The following RAB3C variants were observed in gnomAD, a reference collection of about 807,000 sequenced individuals.
RAB3C encodes RAB3C, member RAS oncogene family, also known as ras-related protein Rab-3C.
Under a neutral mutation model 26.4 loss-of-function variants are expected in RAB3C, and 17 were observed. That is an observed-to-expected ratio of 0.64 (90% CI 0.44 to 0.97). RAB3C has a LOEUF of 0.97. Ranked by LOEUF, RAB3C falls within the 50% of genes least tolerant of loss-of-function variation. The pLI is 0.00. For synonymous variants in RAB3C, 91 were observed against 95.9 expected, an observed-to-expected ratio of 0.95 and a Z score of 0.30; for missense variants, 242 against 281.9, an observed-to-expected ratio of 0.86 and a Z score of 1.01.
chr5:58,666,532 C>T (rs1748005769), intron 2 of RAB3C, among the ~76,000 whole-genome samples: 1 of 152,208 alleles, frequency 6.6e-6, no homozygotes, highest in Non-Finnish European at 1.5e-5. Context: ...TCCATAGATT[C>T]TGATTCCAGA....
intron 2 of RAB3C, among the ~76,000 whole-genome samples, chr5:58,652,611 C>T (rs531353291): frequency 6.6e-6 from 1 of 151,238 alleles, no homozygotes; most frequent in Non-Finnish European, 1.5e-5. Flanking sequence ...TTATACATTG[C>T]AACTTGCAGT....
intron 3 of RAB3C, among the ~76,000 whole-genome samples, chr5:58,786,648 T>C (rs1213817390): frequency 6.6e-6 from 1 of 152,176 alleles, no homozygotes; most frequent in Admixed American, 6.5e-5. Context: ...ATGTGCAGGT[T>C]ATTTTTATTT....
Position 58,659,995 on chromosome 5 carries a change from C to T in RAB3C, c.252+42125C>T, listed in dbSNP as rs909813711. 1.2e-4 allele frequency among the ~76,000 whole-genome samples: 19 copies of T among 152,074 alleles called. No homozygotes were observed. In the South Asian group the frequency reaches 3.7e-3, roughly 30 times the overall value. ...ATTTTTGTGTTTTTTGTAGAGACAG[C>T]GATTTGGTCATGTTGCCCAGGCTAG... On this transcript the variant is annotated intron_variant, in intron 2 of 4. Coordinates refer to ENST00000282878, the MANE Select transcript of RAB3C (RefSeq NM_138453.4).
intron 2 of RAB3C, among the ~76,000 whole-genome samples, chr5:58,636,432 C>G (rs867547217): frequency 6.6e-6 from 1 of 152,158 alleles, no homozygotes; most frequent in Non-Finnish European, 1.5e-5. Flanking sequence ...TGACTCATGT[C>G]CTACTGTGGA....
At chr5:58,620,985 A>G (rs1482669760) in intron 2 of RAB3C, among the ~76,000 whole-genome samples, 1 of 152,160 alleles carries the variant, frequency 6.6e-6, no homozygotes, top group Non-Finnish European at 1.5e-5. Context: ...ATTTAGTTGT[A>G]GGTAGTTATG....
intron 3 of RAB3C, among the ~76,000 whole-genome samples, chr5:58,744,351 T>C (rs1741344889): frequency 6.6e-6 from 1 of 152,250 alleles, no homozygotes; most frequent in Non-Finnish European, 1.5e-5. Context: ...CCCTTGACTA[T>C]CTTATTAATG....
At chr5:58,600,921 C>G (rs542086487) in intron 1 of RAB3C, among the ~76,000 whole-genome samples, 21 of 152,200 alleles carry the variant, frequency 1.4e-4, no homozygotes, top group Admixed American at 1.2e-3. Flanking sequence ...TTGTCTTGTT[C>G]CAGTTCTCAG....
chr5:58,704,329 G>A (rs1030278164), intron 2 of RAB3C, among the ~76,000 whole-genome samples: 1 of 152,150 alleles, frequency 6.6e-6, no homozygotes, highest in Non-Finnish European at 1.5e-5. Flanking sequence ...ACTGCTTGGA[G>A]TTTGCATGTA....
At chr5:58,720,838 A>T (rs980185442) in intron 2 of RAB3C, among the ~76,000 whole-genome samples, 1 of 151,850 alleles carries the variant, frequency 6.6e-6, no homozygotes, top group African/African-American at 2.4e-5. Flanking sequence ...TTTCTTTACT[A>T]ACGGTTACTC....
At chr5:58,605,953 A>G (rs1746558033) in intron 1 of RAB3C, among the ~76,000 whole-genome samples, 1 of 152,210 alleles carries the variant, frequency 6.6e-6, no homozygotes, top group Admixed American at 6.5e-5. Context: ...AAATAGGAAC[A>G]GCTCTGGTCT....
intron 2 of RAB3C, among the ~76,000 whole-genome samples, chr5:58,693,952 C>CT (rs1420700270): frequency 2.6e-5 from 4 of 152,062 alleles, no homozygotes; most frequent in Admixed American, 6.6e-5. Flanking sequence ...TTTTATTATA[C>CT]TTTAAGTTCT....
At chr5:58,758,587 CACAA>C (rs571560629) in intron 3 of RAB3C, among the ~76,000 whole-genome samples, 5 of 152,108 alleles carry the variant, frequency 3.3e-5, no homozygotes, top group Non-Finnish European at 7.4e-5. Flanking sequence ...AAACTGAGAG[CACAA>C]ACAGGGTCCC....
intron 3 of RAB3C, among the ~76,000 whole-genome samples, chr5:58,797,354 ATATGTATATATATAATATATATATAT>A (rs1742686317): frequency 1.7e-5 from 1 of 58,238 alleles, no homozygotes; most frequent in Non-Finnish European, 3.1e-5. Context: ...AAAAAAAAAA[ATATGTATATATATAATATATATATAT>A]ATATATATAT....
intron 3 of RAB3C, among the ~76,000 whole-genome samples, chr5:58,734,361 G>C (rs1741090334): frequency 6.6e-6 from 1 of 152,066 alleles, no homozygotes; most frequent in South Asian, 2.1e-4. Flanking sequence ...CTAGCTCAAG[G>C]CTCCTATCAA....
intron 3 of RAB3C, among the ~76,000 whole-genome samples, chr5:58,817,489 T>G (rs974011646): frequency 2.0e-5 from 3 of 152,176 alleles, no homozygotes; most frequent in Non-Finnish European, 4.4e-5. Flanking sequence ...CTAATCAGAC[T>G]TTATTATGTT....
intron 3 of RAB3C, among the ~76,000 whole-genome samples, chr5:58,765,696 G>A (rs1741886650): frequency 6.6e-6 from 1 of 152,164 alleles, no homozygotes; most frequent in African/African-American, 2.4e-5. Flanking sequence ...ATATTCCACT[G>A]TGTGGATGCA....
chr5:58,813,597 TA>T (rs869223144), intron 3 of RAB3C, among the ~76,000 whole-genome samples: 7 of 9,116 alleles, frequency 7.7e-4, no homozygotes, highest in African/African-American at 5.2e-3. Flanking sequence ...TATATTTATA[TA>T]TATATATATA....
intron 3 of RAB3C, among the ~76,000 whole-genome samples, chr5:58,755,689 C>G (rs1457930999): frequency 1.3e-5 from 2 of 152,194 alleles, no homozygotes; most frequent in African/African-American, 4.8e-5. Context: ...CAGGCAGGGG[C>G]AGGTCAGAGT....
intron 2 of RAB3C, among the ~76,000 whole-genome samples, chr5:58,618,703 A>G (rs1746874752): frequency 6.6e-6 from 1 of 152,188 alleles, no homozygotes; most frequent in Non-Finnish European, 1.5e-5. Flanking sequence ...AGACTGATGT[A>G]GTAAATATTT....
Sources: allele counts gnomAD v4.1 joint callset (sites outside exome capture counted in the v4.1 genomes callset), GRCh38; gene constraint gnomAD v4.1.1; transcripts MANE v1.5; gene names NCBI Gene and HGNC (gene_info 2026-07-23, HGNC 2026-07-21).